HMGCS2: variants seen among roughly 807,000 people sequenced by gnomAD.
The protein encoded by HMGCS2 is hydroxymethylglutaryl-CoA synthase, mitochondrial.
In HMGCS2, 50 loss-of-function variants were observed where a neutral mutation model predicts 57.4. The ratio of observed to expected loss-of-function variants is 0.87; its 90% CI spans 0.69 to 1.10. HMGCS2 has a LOEUF of 1.10. HMGCS2 is among the 50% of genes least tolerant of loss of function. HMGCS2 has a pLI of 0.00. For missense variants in HMGCS2, 627 were observed against 636.5 expected (o/e 0.99, Z 0.16); for synonymous variants, 254 against 245.1 (o/e 1.04, Z -0.34).
At position 119,757,263 on chromosome 1, in the gene HMGCS2, G is replaced by A. The variant is rs770388243; in HGVS notation, c.1016+10C>T. 3.0e-5 allele frequency: 49 copies of A among 1,613,936 alleles called. No individual in the cohort carries two copies. The highest frequency in any genetic ancestry group is 8.9e-5 in the East Asian group (4 of 44,890). On this transcript the variant is annotated intron_variant, in intron 5 of 9. Transcript: ENST00000369406. Reference sequence around the variant, plus strand: ...CACCAGCCTCTAGGCTCCCCAAGAAGAGAACTCACCCGAAAGCCTCCAGCC... The same window carrying A: ...CACCAGCCTCTAGGCTCCCCAAGAAAAGAACTCACCCGAAAGCCTCCAGCC...
At position 119,748,731 on chromosome 1, in the gene HMGCS2, T is replaced by C. The variant is rs1571026960; in HGVS notation, c.*116A>G. 2 of 152,234 alleles carry C rather than the reference T, an allele frequency of 1.3e-5. No homozygotes were observed. The allele number at this position is 152,234 out of a possible 1,614,324, so 9.4% of individuals were successfully genotyped here. A position where few individuals can be genotyped will look rare whatever the true frequency, so the allele number is the denominator to read the frequency against. ...AGGGCTGATGCTTATGGGGCTACTA[T>C]GTCGATTCAAATTCATTTACCAGCT... On this transcript the variant is annotated 3_prime_UTR_variant, in exon 10 of 10. Coordinates refer to ENST00000369406, the MANE Select transcript of HMGCS2 (RefSeq NM_005518.4).
At position 119,759,974 on chromosome 1, in the gene HMGCS2, A is replaced by G. The variant is rs1652985111; in HGVS notation, c.575T>C (p.Val192Ala). The part of the protein sequence containing the change: ...SSSWDGRYAM[V>A]VCGDIAVYPS... ...ATAGACGGCAATGTCTCCACAGACC[A>G]CCATGGCATAACGACCTGTAAAGAG... The change falls in exon 3 of 10, where the codon GTG (valine) becomes GCG (alanine). Residue 192 changes from valine (V) to alanine (A), a missense_variant. By Grantham distance (64) the Val-to-Ala change is moderately conservative. Coordinates refer to ENST00000369406, the MANE Select transcript of HMGCS2 (RefSeq NM_005518.4). 2 of 1,613,970 alleles carry G rather than the reference A, an allele frequency of 1.2e-6. No individual in the cohort carries two copies. The highest frequency in any genetic ancestry group is 2.2e-5 in the South Asian group (2 of 91,086).
At position 119,759,788 on chromosome 1, in the gene HMGCS2, G is replaced by A. The variant is rs116687245; in HGVS notation, c.685+76C>T. ...CGCATACCTCAGCCCTGAGTAGCAG[G>A]TGTGCCAATGTGGGATTAGGATCTA... On this transcript the variant is annotated intron_variant, in intron 3 of 9. Transcript: ENST00000369406. The A allele has an allele frequency of 2.6e-6, 4 of 1,554,882 alleles. No individual in the cohort carries two copies. In the African/African-American group the frequency reaches 4.1e-5, roughly 16 times the overall value.
intron 3 of HMGCS2, chr1:119,759,526 A>G (rs1393799407): frequency 1.7e-6 from 1 of 586,988 alleles, no homozygotes; most frequent in Non-Finnish European, 3.0e-6. Context: ...ATAGAAGCCA[A>G]CAGTCTCAAA....
intron 6 of HMGCS2, 131 bp downstream of exon 6, chr1:119,755,296 C>T: frequency 2.1e-6 from 2 of 934,950 alleles, no homozygotes; most frequent in Non-Finnish European, 3.5e-6. Context: ...GCATGAGCCA[C>T]TACACCAGGC....
intron 8 of HMGCS2, among the ~76,000 whole-genome samples, chr1:119,751,897 A>G (rs1369774271): frequency 6.6e-6 from 1 of 152,232 alleles, no homozygotes; most frequent in Admixed American, 6.5e-5. Context: ...TGTAGAAATC[A>G]TGGTAAAACT....
At chr1:119,763,204 C>A (rs970604340) in intron 2 of HMGCS2, among the ~76,000 whole-genome samples, 24 of 152,170 alleles carry the variant, frequency 1.6e-4, no homozygotes, top group African/African-American at 4.3e-4. Flanking sequence ...TGTTACACTC[C>A]TCTTGACCTC....
chr1:119,760,660 AT>A (rs928825232), intron 2 of HMGCS2, among the ~76,000 whole-genome samples: 1 of 152,214 alleles, frequency 6.6e-6, no homozygotes, highest in Non-Finnish European at 1.5e-5. Flanking sequence ...TCAATAAATA[AT>A]TGTGGTCTTG....
intron 9 of HMGCS2, among the ~76,000 whole-genome samples, chr1:119,749,572 C>G (rs866147465): frequency 5.3e-5 from 8 of 152,152 alleles, no homozygotes; most frequent in African/African-American, 1.9e-4. Flanking sequence ...TCAAAGGCAT[C>G]CTGCGGCCCT....
At chr1:119,751,084 G>T (rs1399136789) in intron 8 of HMGCS2, among the ~76,000 whole-genome samples, 176 bp from the exon 9 acceptor site, 2 of 152,074 alleles carry the variant, frequency 1.3e-5, no homozygotes, top group African/African-American at 4.8e-5. Flanking sequence ...GAACAAGAGG[G>T]GCAGCCATCT....
intron 2 of HMGCS2, among the ~76,000 whole-genome samples, chr1:119,762,708 T>A (rs759589743): frequency 5.3e-5 from 8 of 152,192 alleles, no homozygotes; most frequent in Non-Finnish European, 8.8e-5. Context: ...GGCTCAAGCT[T>A]AGCTGTTTTT....
In HMGCS2 at chr1:119,757,265, G is replaced by A; in HGVS notation, c.1016+8C>T. On this transcript the variant is annotated splice_region_variant and intron_variant, in intron 5 of 9. Coordinates refer to ENST00000369406, the MANE Select transcript of HMGCS2 (RefSeq NM_005518.4). The stretch of plus-strand genomic sequence containing the variant: ...CCAGCCTCTAGGCTCCCCAAGAAGA[G>A]AACTCACCCGAAAGCCTCCAGCCCC... 2 of 1,614,082 alleles carry A rather than the reference G, an allele frequency of 1.2e-6. No homozygotes were observed. Among genetic ancestry groups the A allele is most frequent in the Non-Finnish European group, 1.7e-6 (2 of 1,179,960 alleles).
intron 4 of HMGCS2, 144 bp downstream of exon 4, chr1:119,758,974 G>A: frequency 1.2e-6 from 1 of 865,304 alleles, no homozygotes; most frequent in Non-Finnish European, 2.0e-6. Context: ...TAGACCCAGG[G>A]AAGAGTGTAA....
chr1:119,755,392 T>G, intron 6 of HMGCS2, 35 bp downstream of exon 6: 1 of 1,606,634 alleles, frequency 6.2e-7, no homozygotes, highest in Non-Finnish European at 8.5e-7. Flanking sequence ...GCTGAGGGTG[T>G]GCATGGAGGA....
intron 8 of HMGCS2, 83 bp from the exon 9 acceptor site, chr1:119,750,991 C>G: frequency 1.2e-6 from 1 of 837,024 alleles, no homozygotes; most frequent in Non-Finnish European, 2.0e-6. Context: ...GATGTCTGCC[C>G]CTTCACAGTG....
chr1:119,754,215 C>A (rs1652761697), intron 6 of HMGCS2, among the ~76,000 whole-genome samples: 1 of 152,112 alleles, frequency 6.6e-6, no homozygotes, highest in South Asian at 2.1e-4. Flanking sequence ...TACCACCATG[C>A]CCAGCTGATG....
chr1:119,753,252 G>T (rs1406869587), intron 7 of HMGCS2, 28 bp downstream of exon 7: 15 of 1,342,384 alleles, frequency 1.1e-5, no homozygotes, highest in Admixed American at 1.7e-5. Flanking sequence ...ATCTTGTCAG[G>T]AAGGCCTACT....
At chr1:119,764,825 A>T (rs1653164526) in intron 1 of HMGCS2, among the ~76,000 whole-genome samples, 199 bp from the exon 2 acceptor site, 1 of 152,076 alleles carries the variant, frequency 6.6e-6, no homozygotes, top group Non-Finnish European at 1.5e-5. Context: ...CATCTTTGTG[A>T]TATTCTTGGC....
At chr1:119,761,173 TG>T (rs1653025610) in intron 2 of HMGCS2, among the ~76,000 whole-genome samples, 1 of 147,772 alleles carries the variant, frequency 6.8e-6, no homozygotes, top group Non-Finnish European at 1.5e-5. Flanking sequence ...ATAAGTAAAT[TG>T]GTATATTTAA....
Sources: gnomAD v4.1 joint callset for allele counts (sites outside exome capture counted in the v4.1 genomes callset) on GRCh38, gnomAD v4.1.1 for gene constraint, MANE v1.5 for transcripts, NCBI Gene and HGNC (gene_info 2026-07-23, HGNC 2026-07-21) for gene names.